GRM7: variants seen among roughly 807,000 people sequenced by gnomAD.
The protein encoded by GRM7 is glutamate metabotropic receptor 7.
In GRM7, 35 loss-of-function variants were observed where a neutral mutation model predicts 84.5. The ratio of observed to expected loss-of-function variants is 0.41; its 90% CI spans 0.32 to 0.55. The LOEUF is 0.55. Ranked by LOEUF, GRM7 falls within the 20% of genes least tolerant of loss-of-function variation. The pLI, the probability that GRM7 is intolerant of heterozygous loss-of-function variation, is 0.19. For missense variants in GRM7, 1,003 were observed against 1,194.6 expected (o/e 0.84, Z 2.36); for synonymous variants, 487 against 455.1 (o/e 1.07, Z -0.89).
At chr3:7,331,079 T>G (rs570302538) in intron 4 of GRM7, among the ~76,000 whole-genome samples, 1 of 152,322 alleles carries the variant, frequency 6.6e-6, no homozygotes, top group Non-Finnish European at 1.5e-5. Flanking sequence ...ATGTGTTACC[T>G]GTGTTCCCCA....
chr3:7,259,953 G>GTTTTTTTTTTTGTTTTTT (rs1553638862), intron 2 of GRM7, among the ~76,000 whole-genome samples: 6 of 89,668 alleles, frequency 6.7e-5, no homozygotes, highest in African/African-American at 2.9e-4. Flanking sequence ...ACCAGCATCT[G>GTTTTTTTTTTTGTTTTTT]TTTTTTTTTT....
intron 1 of GRM7, among the ~76,000 whole-genome samples, chr3:7,024,398 G>A (rs17046610): frequency 0.034 from 5,188 of 152,294 alleles, 156 homozygotes; most frequent in Non-Finnish European, 0.047. Flanking sequence ...TGAAGCAAAT[G>A]GATGACGTGC....
intron 1 of GRM7, among the ~76,000 whole-genome samples, chr3:7,038,993 AC>A (rs1310023615): frequency 6.6e-6 from 1 of 152,200 alleles, no homozygotes; most frequent in African/African-American, 2.4e-5. Flanking sequence ...TCCCAGACCT[AC>A]TGAATTTGAA....
At chr3:7,070,520 T>G (rs907619299) in intron 1 of GRM7, among the ~76,000 whole-genome samples, 4 of 152,140 alleles carry the variant, frequency 2.6e-5, no homozygotes, top group Non-Finnish European at 5.9e-5. Flanking sequence ...CAAATACTAT[T>G]CTAATGTGAG....
chr3:7,366,851 A>C (rs930583363), intron 4 of GRM7, among the ~76,000 whole-genome samples: 5 of 73,232 alleles, frequency 6.8e-5, no homozygotes, highest in African/African-American at 1.1e-4. Flanking sequence ...GGGCCATTGA[A>C]ACTTCTATTT....
intron 2 of GRM7, among the ~76,000 whole-genome samples, chr3:7,251,479 A>G (rs147319959): frequency 1.7e-3 from 266 of 152,348 alleles, no homozygotes; most frequent in African/African-American, 5.7e-3. Flanking sequence ...ACAAAATGCC[A>G]TTCAGACTTC....
chr3:7,568,984 C>T (rs2125043784), intron 7 of GRM7, among the ~76,000 whole-genome samples: 1 of 152,310 alleles, frequency 6.6e-6, no homozygotes, highest in East Asian at 1.9e-4. Context: ...TGCGGGCGCA[C>T]ATTGGGGAAC....
At position 7,510,253 on chromosome 3, in the gene GRM7, G is replaced by A. The variant is rs183125735; in HGVS notation, c.1515+48531G>A. On this transcript the variant is annotated intron_variant, in intron 7 of 9. Coordinates refer to ENST00000357716, the MANE Select transcript of GRM7 (RefSeq NM_000844.4). ...CTTTGTCACTTTTTCTTTTTCTGTA[G>A]AACTTGTCTTTTGAACATTCAGGCT... 2.5e-3 allele frequency among the ~76,000 whole-genome samples: 379 copies of A among 152,078 alleles called. 1 individual carries two copies. Among genetic ancestry groups the A allele is most frequent in the Admixed American group, 4.5e-3 (68 of 15,268 alleles).
At chr3:7,654,985 A>ATGAGGACTC (rs1193632499) in intron 8 of GRM7, among the ~76,000 whole-genome samples, 1 of 152,100 alleles carries the variant, frequency 6.6e-6, no homozygotes, top group African/African-American at 2.4e-5. Flanking sequence ...ATGCACTTAC[A>ATGAGGACTC]TGAGGACTCT....
intron 8 of GRM7, among the ~76,000 whole-genome samples, chr3:7,675,716 C>T (rs74961222): frequency 0.011 from 1,748 of 152,262 alleles, 45 homozygotes; most frequent in African/African-American, 0.04. Context: ...ATTACTTAAT[C>T]AACAACCTAT....
intron 2 of GRM7, among the ~76,000 whole-genome samples, chr3:7,149,047 T>C (rs1376646835): frequency 2.0e-5 from 3 of 152,192 alleles, no homozygotes; most frequent in Non-Finnish European, 4.4e-5. Flanking sequence ...AATAAGTATT[T>C]AATAAGTATC....
chr3:7,636,067 A>T (rs1698080116), intron 8 of GRM7, among the ~76,000 whole-genome samples: 1 of 152,222 alleles, frequency 6.6e-6, no homozygotes, highest in African/African-American at 2.4e-5. Context: ...TATCAAAACT[A>T]GCCAATTTTA....
chr3:7,276,451 C>T (rs1424262438), intron 2 of GRM7, among the ~76,000 whole-genome samples: 1 of 151,902 alleles, frequency 6.6e-6, no homozygotes, highest in Non-Finnish European at 1.5e-5. Context: ...ATCCTCCCTA[C>T]CCCAGGAACT....
intron 2 of GRM7, among the ~76,000 whole-genome samples, chr3:7,201,068 C>T (rs951352382): frequency 1.1e-4 from 15 of 142,784 alleles, no homozygotes; most frequent in Admixed American, 8.1e-4. Context: ...CTCCTGGGTT[C>T]ATGCCATTCT....
At chr3:6,933,003 C>G (rs1697563854) in intron 1 of GRM7, among the ~76,000 whole-genome samples, 1 of 152,054 alleles carries the variant, frequency 6.6e-6, no homozygotes, top group African/African-American at 2.4e-5. Context: ...GATCCACCTG[C>G]CTTGGCCTCC....
intron 7 of GRM7, among the ~76,000 whole-genome samples, chr3:7,488,608 G>A (rs1434515467): frequency 6.6e-6 from 1 of 152,164 alleles, no homozygotes; most frequent in African/African-American, 2.4e-5. Flanking sequence ...ACATTGTAAT[G>A]CAGCATGAGG....
chr3:7,538,778 T>C (rs1692704630), intron 7 of GRM7, among the ~76,000 whole-genome samples: 1 of 152,240 alleles, frequency 6.6e-6, no homozygotes, highest in Non-Finnish European at 1.5e-5. Flanking sequence ...GCATATTGGC[T>C]GTTTCGCAGG....
At chr3:7,712,517 C>T (rs1701616933) in intron 9 of GRM7, among the ~76,000 whole-genome samples, 1 of 152,068 alleles carries the variant, frequency 6.6e-6, no homozygotes, top group South Asian at 2.1e-4. Flanking sequence ...TTCCTTCCCT[C>T]TTTCCTGAAT....
chr3:7,246,678 G>A (rs7633040), intron 2 of GRM7, among the ~76,000 whole-genome samples: 136,797 of 152,140 alleles, frequency 0.9, 61,756 homozygotes, highest in East Asian at 0.98. Flanking sequence ...TGAGCGAGAC[G>A]TGAATAGACC....
Sources: gnomAD v4.1 joint callset for allele counts (sites outside exome capture counted in the v4.1 genomes callset) on GRCh38, gnomAD v4.1.1 for gene constraint, MANE v1.5 for transcripts, NCBI Gene and HGNC (gene_info 2026-07-23, HGNC 2026-07-21) for gene names.